ARHGEF10: variants seen among roughly 807,000 people sequenced by gnomAD.
ARHGEF10 encodes the protein Rho guanine nucleotide exchange factor (GEF) 10.
A neutral mutation model predicts 147.4 loss-of-function variants in ARHGEF10; 140 were observed. That is an observed-to-expected ratio of 0.95 (90% CI 0.83 to 1.09). The LOEUF (loss-of-function observed/expected upper bound fraction) is 1.09, where lower values mean the gene tolerates loss of function less well. Ranked by LOEUF, ARHGEF10 falls within the 50% of genes least tolerant of loss-of-function variation. ARHGEF10 has a pLI of 0.00. For synonymous variants in ARHGEF10, 902 were observed against 695.8 expected (o/e 1.30, Z -4.67); for missense variants, 2,222 against 1,752.7 (o/e 1.27, Z -4.78).
At chr8:1,930,711 T>A (rs1005340060) in intron 25 of ARHGEF10, among the ~76,000 whole-genome samples, 10 of 152,216 alleles carry the variant, frequency 6.6e-5, no homozygotes, top group African/African-American at 2.4e-4. Flanking sequence ...CTTTGACACC[T>A]CCTCCTTGGG....
intron 7 of ARHGEF10, among the ~76,000 whole-genome samples, chr8:1,872,216 C>T (rs1807184262): frequency 6.6e-6 from 1 of 152,048 alleles, no homozygotes; most frequent in South Asian, 2.1e-4. Flanking sequence ...ATCAACTATA[C>T]CCAAAATAAA....
intron 7 of ARHGEF10, among the ~76,000 whole-genome samples, chr8:1,873,864 C>CT (rs67299260): frequency 0.23 from 33,096 of 145,958 alleles, 4,259 homozygotes; most frequent in East Asian, 0.44. Context: ...CCACTTTTTT[C>CT]TTTTTTTTTT....
intron 26 of ARHGEF10, among the ~76,000 whole-genome samples, chr8:1,941,948 C>T (rs957676444): frequency 6.6e-6 from 1 of 152,174 alleles, no homozygotes; most frequent in Admixed American, 6.5e-5. Context: ...CCCTGCCTCA[C>T]ACCACATACA....
At chr8:1,887,290 T>C (rs1228236028) in intron 11 of ARHGEF10, among the ~76,000 whole-genome samples, 1 of 152,220 alleles carries the variant, frequency 6.6e-6, no homozygotes, top group African/African-American at 2.4e-5. Flanking sequence ...AACAGGAGTG[T>C]GAGTGACTCA....
At chr8:1,941,833 CTA>C (rs1289185878) in intron 26 of ARHGEF10, among the ~76,000 whole-genome samples, 3 of 152,212 alleles carry the variant, frequency 2.0e-5, no homozygotes, top group African/African-American at 7.2e-5. Flanking sequence ...GGTGCCAAAA[CTA>C]TTCCATTTGA....
chr8:1,905,115 C>T (rs994190700), intron 16 of ARHGEF10, among the ~76,000 whole-genome samples: 2 of 152,060 alleles, frequency 1.3e-5, no homozygotes, highest in African/African-American at 4.8e-5. Flanking sequence ...GGTAACAGAG[C>T]GAGGCTTGGT....
intron 27 of ARHGEF10, among the ~76,000 whole-genome samples, chr8:1,951,676 C>T (rs1585663707): frequency 1.3e-5 from 2 of 152,180 alleles, no homozygotes; most frequent in African/African-American, 4.8e-5. Context: ...AAGTGTTCAC[C>T]GTCACTTCTC....
chr8:1,827,581 C>T (rs991030154), intron 1 of ARHGEF10, among the ~76,000 whole-genome samples: 1 of 152,224 alleles, frequency 6.6e-6, no homozygotes. Context: ...GCTGGGATTA[C>T]AGGCGTGAGC....
At chr8:1,837,846 T>C (rs901528629) in intron 1 of ARHGEF10, among the ~76,000 whole-genome samples, 2 of 152,136 alleles carry the variant, frequency 1.3e-5, no homozygotes, top group Admixed American at 6.5e-5. Context: ...TCTTCAGCAG[T>C]TGAGAAACTG....
chr8:1,843,506 C>T lies in ARHGEF10; in HGVS notation c.37+70C>T, dbSNP rs11136434. The T allele has an allele frequency of 0.48, 591,375 of 1,227,974 alleles. 144,564 individuals are homozygous for T. The highest frequency in any genetic ancestry group is 0.52 in the Non-Finnish European group (435,725 of 844,308). The allele number at this position is 1,227,974 out of a possible 1,614,324, so 76.1% of individuals were successfully genotyped here. A position where few individuals can be genotyped will look rare whatever the true frequency, so the allele number is the denominator to read the frequency against. On this transcript the variant is annotated intron_variant, in intron 2 of 28. Coordinates refer to ENST00000349830, the MANE Select transcript of ARHGEF10 (RefSeq NM_014629.4). ...TGCTCTCATCAAGGACGGGGTACTT[C>T]TGGAACCACTGAATTGCTGGTCACT...
chr8:1,892,082 A>G (rs1221327610), intron 11 of ARHGEF10, among the ~76,000 whole-genome samples: 1 of 151,452 alleles, frequency 6.6e-6, no homozygotes. Flanking sequence ...TTTGACCCCC[A>G]CAACTGTGAC....
intron 1 of ARHGEF10, among the ~76,000 whole-genome samples, chr8:1,832,178 A>G (rs546252516): frequency 6.6e-6 from 1 of 152,164 alleles, no homozygotes; most frequent in African/African-American, 2.4e-5. Context: ...CGCTGCTCCA[A>G]GGGAGTCTCC....
At chr8:1,907,252 G>A (rs1259447073) in intron 17 of ARHGEF10, among the ~76,000 whole-genome samples, 5 of 152,184 alleles carry the variant, frequency 3.3e-5, no homozygotes, top group Non-Finnish European at 5.9e-5. Context: ...TGGCTTCCAA[G>A]TTTAACTGTC....
chr8:1,867,805 A>C (rs1228996502), intron 6 of ARHGEF10, among the ~76,000 whole-genome samples: 1 of 152,226 alleles, frequency 6.6e-6, no homozygotes, highest in Non-Finnish European at 1.5e-5. Context: ...TGATCAACTT[A>C]CAAGGTAGAA....
intron 26 of ARHGEF10, among the ~76,000 whole-genome samples, chr8:1,935,082 C>G (rs1813467333): frequency 6.6e-6 from 1 of 152,208 alleles, no homozygotes; most frequent in Admixed American, 6.5e-5. Context: ...TCCTTAGCAA[C>G]TAACATTGCC....
intron 2 of ARHGEF10, among the ~76,000 whole-genome samples, chr8:1,855,367 G>T (rs1805469784): frequency 1.3e-5 from 2 of 151,842 alleles, no homozygotes; most frequent in Admixed American, 6.6e-5. Context: ...ACTTTTTTTG[G>T]GGTGGTCAGA....
At position 1,956,883 on chromosome 8, in the gene ARHGEF10, C is replaced by T; in HGVS notation, c.3655C>T (p.Gln1219Ter). 7 of 1,614,126 alleles carry T rather than the reference C, an allele frequency of 4.3e-6. No individual in the cohort carries two copies. The highest frequency in any genetic ancestry group is 5.9e-6 in the Non-Finnish European group (7 of 1,180,028). The change falls in exon 29 of 29, where the codon CAG (glutamine) becomes TAG (stop). Residue 1219 changes from glutamine to a stop codon, truncating the protein, a stop_gained. Transcript: ENST00000349830. LOFTEE classifies it low-confidence loss of function (END_TRUNC). ...TGGCCCCGAGCCTCAGGACGAAGAC[C>T]AGAAGGACGCACTTCCGAGTGGAGG... Reference protein sequence around the residue: ...APGPEPQDEDQKDALPSGGAG... With the variant: ...APGPEPQDED
chr8:1,907,771 C>T (rs894472037), intron 17 of ARHGEF10, among the ~76,000 whole-genome samples: 3 of 152,140 alleles, frequency 2.0e-5, no homozygotes, highest in African/African-American at 4.8e-5. Flanking sequence ...AGTGGTGAGT[C>T]GCAATTCCTT....
chr8:1,902,556 G>T (rs957109601), intron 15 of ARHGEF10, among the ~76,000 whole-genome samples: 1 of 151,968 alleles, frequency 6.6e-6, no homozygotes, highest in Non-Finnish European at 1.5e-5. Context: ...AAAATTGAGC[G>T]GAAAGTACAG....
Sources: gnomAD v4.1 joint callset for allele counts (sites outside exome capture counted in the v4.1 genomes callset) on GRCh38, gnomAD v4.1.1 for gene constraint, MANE v1.5 for transcripts, NCBI Gene and HGNC (gene_info 2026-07-23, HGNC 2026-07-21) for gene names.